Variants in SH3GL3 observed in about 807,000 individuals in gnomAD.
SH3GL3 encodes endophilin-A3.
SH3GL3 carries 33 observed loss-of-function variants against 47.7 expected under a neutral mutation model. The observed-to-expected ratio is 0.69, with a 90% CI of 0.52 to 0.92. The LOEUF (loss-of-function observed/expected upper bound fraction) is 0.92. Ranked by LOEUF, SH3GL3 falls within the 40% of genes least tolerant of loss-of-function variation. SH3GL3 has a pLI of 0.00. For synonymous variants in SH3GL3, 155 were observed against 148.8 expected, an observed-to-expected ratio of 1.04 and a Z score of -0.30; for missense variants, 363 against 417.8, an observed-to-expected ratio of 0.87 and a Z score of 1.14.
chr15:83,522,707 A>G (rs531930806), intron 1 of SH3GL3, among the ~76,000 whole-genome samples: 21 of 152,340 alleles, frequency 1.4e-4, no homozygotes, highest in African/African-American at 4.6e-4. Flanking sequence ...TCAGGTTGAT[A>G]AAGAAGAGGC....
At chr15:83,631,326 C>A in the SH3GL3 span, among the ~76,000 whole-genome samples, 2 of 152,158 alleles carry the variant, frequency 1.3e-5, no homozygotes, top group African/African-American at 2.4e-5. Flanking sequence ...ATTCTGGAGT[C>A]TGAAGAATGG....
intron 1 of SH3GL3, among the ~76,000 whole-genome samples, chr15:83,482,773 T>G (rs1464565217): frequency 6.6e-6 from 1 of 152,174 alleles, no homozygotes; most frequent in Non-Finnish European, 1.5e-5. Flanking sequence ...ATTACAAGCA[T>G]GAGGCACCGC....
chr15:83,486,505 T>G (rs2041603416), intron 1 of SH3GL3, among the ~76,000 whole-genome samples: 3 of 152,260 alleles, frequency 2.0e-5, no homozygotes. Context: ...ATGTGACCTT[T>G]TGTGTTTTGC....
intron 1 of SH3GL3, among the ~76,000 whole-genome samples, chr15:83,522,084 G>A (rs1020984133): frequency 1.3e-5 from 2 of 152,148 alleles, no homozygotes; most frequent in South Asian, 2.1e-4. Flanking sequence ...AGCTGGAAAC[G>A]TGAGTCTGGA....
chr15:83,579,644 C>T (rs1295644487), intron 6 of SH3GL3, among the ~76,000 whole-genome samples: 1 of 152,136 alleles, frequency 6.6e-6, no homozygotes, highest in Non-Finnish European at 1.5e-5. Context: ...CAAGAGCTAC[C>T]ATTCACTGAC....
At chr15:83,538,643 C>T (rs2151695340) in intron 1 of SH3GL3, among the ~76,000 whole-genome samples, 1 of 152,194 alleles carries the variant, frequency 6.6e-6, no homozygotes, top group East Asian at 1.9e-4. Context: ...ATATATTGAG[C>T]TTCTTTCATT....
chr15:83,510,751 A>G (rs1465548754), intron 1 of SH3GL3, among the ~76,000 whole-genome samples: 1 of 152,046 alleles, frequency 6.6e-6, no homozygotes, highest in Non-Finnish European at 1.5e-5. Context: ...AGCTATGTGG[A>G]TCCTCAGATT....
At chr15:83,456,579 C>G (rs1163752111) in intron 1 of SH3GL3, among the ~76,000 whole-genome samples, 1 of 113,778 alleles carries the variant, frequency 8.8e-6, no homozygotes, top group Non-Finnish European at 1.8e-5. Context: ...TTTCCAGGTG[C>G]GTCCGTCACC....
At chr15:83,513,215 C>A (rs756938102) in intron 1 of SH3GL3, among the ~76,000 whole-genome samples, 3 of 152,144 alleles carry the variant, frequency 2.0e-5, no homozygotes, top group African/African-American at 7.2e-5. Flanking sequence ...GTTTTTTAAT[C>A]GAGCTAGAAC....
At position 83,483,943 on chromosome 15, in the gene SH3GL3, G is replaced by T. The variant is rs185790086; in HGVS notation, c.45+36365G>T. On this transcript the variant is annotated intron_variant, in intron 1 of 8. Transcript: ENST00000427482. ...TACTTCTCAGTTTTATAGTCCTATGGCCATTCCAGGGAGAATGTTGGTGCT... is the reference window on the plus strand; with the variant it reads ...TACTTCTCAGTTTTATAGTCCTATGTCCATTCCAGGGAGAATGTTGGTGCT... Among the ~76,000 whole-genome samples the T allele has an allele frequency of 3.6e-3, 553 of 152,296 alleles. 4 individuals are homozygous for T. Among genetic ancestry groups the T allele is most frequent in the African/African-American group, 0.013 (522 of 41,570 alleles).
chr15:83,497,679 A>G (rs12441310), intron 1 of SH3GL3, among the ~76,000 whole-genome samples: 26,981 of 152,036 alleles, frequency 0.18, 2,884 homozygotes, highest in African/African-American at 0.28. Flanking sequence ...TAGAAAGCAT[A>G]TCTCTACCCA....
chr15:83,612,027 A>AAT (rs2060681436), intron 8 of SH3GL3, among the ~76,000 whole-genome samples: 1 of 131,946 alleles, frequency 7.6e-6, no homozygotes, highest in Non-Finnish European at 1.7e-5. Flanking sequence ...AAAAAAAAAA[A>AAT]GCTTTAAAAT....
chr15:83,540,654 G>A (rs1380003183), intron 1 of SH3GL3, among the ~76,000 whole-genome samples: 3 of 152,018 alleles, frequency 2.0e-5, no homozygotes, highest in Non-Finnish European at 4.4e-5. Flanking sequence ...GTACATAGAG[G>A]CGTAAGTATT....
At chr15:83,516,047 T>C (rs922812938) in intron 1 of SH3GL3, among the ~76,000 whole-genome samples, 2 of 149,954 alleles carry the variant, frequency 1.3e-5, no homozygotes, top group Non-Finnish European at 3.0e-5. Flanking sequence ...TAAATCATAG[T>C]ATTTAGTGAT....
rs984655319 is a variant in SH3GL3 at position 83,529,791 on chromosome 15, A to G, written c.46-29462A>G. Among the ~76,000 whole-genome samples the G allele has an allele frequency of 6.6e-5, 10 of 152,210 alleles. No homozygotes were observed. The South Asian group carries it at 2.1e-3, about 32-fold the overall frequency. ...AGCTTTCAGGCTCTTGGGAGTGTAC[A>G]CATTAGTCCTTAGCAGCAGCAGTAA... On this transcript the variant is annotated intron_variant, in intron 1 of 8. Coordinates refer to ENST00000427482, the MANE Select transcript of SH3GL3 (RefSeq NM_003027.5).
chr15:83,506,608 G>C (rs1358886486), intron 1 of SH3GL3, among the ~76,000 whole-genome samples: 2 of 152,094 alleles, frequency 1.3e-5, no homozygotes, highest in Non-Finnish European at 2.9e-5. Context: ...TTTTGGCTGT[G>C]TTGTAGATTT....
In SH3GL3 at chr15:83,618,487, C is replaced by T. The variant is rs201599365; in HGVS notation, c.*200C>T. On this transcript the variant is annotated 3_prime_UTR_variant, in exon 9 of 9. Coordinates refer to ENST00000427482, the MANE Select transcript of SH3GL3 (RefSeq NM_003027.5). ...TGTCCTTGCTACATGAAAATATTTT[C>T]TTTTTTGCTTCCTGTCCTAAAAGTC... 8.9e-6 allele frequency: 4 copies of T among 446,992 alleles called. No homozygotes were observed. The highest frequency in any genetic ancestry group is 6.2e-4 in the Middle Eastern group (1 of 1,610). 27.7% of individuals were successfully genotyped at this position (446,992 alleles called of 1,614,324 possible). A position where few individuals can be genotyped will look rare whatever the true frequency, so the allele number is the denominator to read the frequency against.
intron 8 of SH3GL3, among the ~76,000 whole-genome samples, chr15:83,608,689 T>C (rs1490183012): frequency 6.6e-6 from 1 of 152,042 alleles, no homozygotes; most frequent in Non-Finnish European, 1.5e-5. Context: ...AGTTTGAAAA[T>C]GAATTGGAAC....
intron 1 of SH3GL3, among the ~76,000 whole-genome samples, chr15:83,473,232 G>C (rs1482432883): frequency 6.6e-6 from 1 of 151,536 alleles, no homozygotes; most frequent in African/African-American, 2.4e-5. Flanking sequence ...GGTGGGTGGG[G>C]GGGTGGGTGG....
Sources: gnomAD v4.1 joint callset for allele counts (sites outside exome capture counted in the v4.1 genomes callset) on GRCh38, gnomAD v4.1.1 for gene constraint, MANE v1.5 for transcripts, NCBI Gene and HGNC (gene_info 2026-07-23, HGNC 2026-07-21) for gene names.